Variants in HSD17B4 observed in about 807,000 individuals in gnomAD.
HSD17B4 encodes hydroxysteroid 17-beta dehydrogenase 4, also known as peroxisomal multifunctional enzyme type 2.
Under a neutral mutation model 101.0 loss-of-function variants are expected in HSD17B4, and 70 were observed. The ratio of observed to expected loss-of-function variants is 0.69; its 90% confidence interval spans 0.57 to 0.85. HSD17B4 has a LOEUF of 0.85. HSD17B4 is among the 40% of genes least tolerant of loss of function. HSD17B4 has a pLI of 0.00. For synonymous variants in HSD17B4, 347 were observed against 297.1 expected (o/e 1.17, Z -1.73); for missense variants, 984 against 892.4 (o/e 1.10, Z -1.31).
At chr5:119,535,979 A>G (rs935369122) in intron 22 of HSD17B4, 7 of 207,344 alleles carry the variant, frequency 3.4e-5, no homozygotes, top group African/African-American at 1.2e-4. Context: ...GCTGTGAAGT[A>G]TGACTGAAAT....
At chr5:119,498,180 A>G (rs1750821807) in intron 12 of HSD17B4, among the ~76,000 whole-genome samples, 2 of 152,200 alleles carry the variant, frequency 1.3e-5, no homozygotes, top group South Asian at 2.1e-4. Flanking sequence ...TTTGTAACCT[A>G]TGGTAGGCAT....
intron 12 of HSD17B4, among the ~76,000 whole-genome samples, chr5:119,496,953 G>C (rs1750704734): frequency 2.0e-5 from 3 of 152,162 alleles, no homozygotes; most frequent in African/African-American, 7.2e-5. Context: ...TACTTTATTT[G>C]TCTTTTTAGT....
intron 4 of HSD17B4, 144 bp from the exon 5 acceptor site, chr5:119,475,562 C>G: frequency 3.0e-6 from 2 of 665,358 alleles, no homozygotes; most frequent in South Asian, 3.6e-5. Flanking sequence ...TAGGTATAGA[C>G]TTTTGTTTTG....
chr5:119,517,088 T>C (rs1436276986), intron 17 of HSD17B4, among the ~76,000 whole-genome samples: 1 of 152,146 alleles, frequency 6.6e-6, no homozygotes, highest in East Asian at 1.9e-4. Flanking sequence ...TCCCTCAGCT[T>C]GCAGGGTGGT....
At chr5:119,534,344 A>C (rs930207147) in intron 22 of HSD17B4, among the ~76,000 whole-genome samples, 5 of 151,416 alleles carry the variant, frequency 3.3e-5, no homozygotes, top group East Asian at 1.9e-4. Flanking sequence ...TTAAGTCTGC[A>C]TATCTGGACT....
At chr5:119,479,825 C>T (rs1001656177) in intron 8 of HSD17B4, among the ~76,000 whole-genome samples, 1 of 151,970 alleles carries the variant, frequency 6.6e-6, no homozygotes, top group African/African-American at 2.4e-5. Flanking sequence ...TTTGTGTGGA[C>T]ATAAGTTTTT....
At chr5:119,479,575 T>C (rs1323864349) in intron 8 of HSD17B4, among the ~76,000 whole-genome samples, 3 of 152,214 alleles carry the variant, frequency 2.0e-5, no homozygotes, top group Admixed American at 1.3e-4. Flanking sequence ...TCCACTGTTA[T>C]AATGTCATGC....
chr5:119,489,140 A>G, intron 8 of HSD17B4, 52 bp from the exon 9 acceptor site: 1 of 1,249,216 alleles, frequency 8.0e-7, no homozygotes, highest in Non-Finnish European at 1.2e-6. Context: ...TAAGTAAGAA[A>G]TTCTTAGAAA....
chr5:119,499,704 CTTTTT>C (rs1235274942), intron 13 of HSD17B4, 151 bp downstream of exon 13: 4 of 440,654 alleles, frequency 9.1e-6, no homozygotes, highest in Non-Finnish European at 1.5e-5. Context: ...TTTGATTTTT[CTTTTT>C]AAGAATAAAA....
At chr5:119,476,445 A>G (rs1748591383) in intron 6 of HSD17B4, 3 of 446,130 alleles carry the variant, frequency 6.7e-6, no homozygotes, top group South Asian at 9.4e-5. Context: ...TTCATTGGCC[A>G]TCAGAACTAA....
intron 2 of HSD17B4, chr5:119,472,543 C>G (rs1756479584): frequency 6.6e-6 from 1 of 152,150 alleles, no homozygotes; most frequent in Non-Finnish European, 1.5e-5. Context: ...AAGCGATTCT[C>G]CTGCCTCAGC....
In HSD17B4 at chr5:119,509,013, G is replaced by A. The variant is rs72788187; in HGVS notation, c.1334-128G>A. The A allele has an allele frequency of 6.8e-3, 4,581 of 674,916 alleles. 28 individuals carry two copies. The highest frequency in any genetic ancestry group is 8.6e-3 in the Non-Finnish European group (3,246 of 375,738). 41.8% of individuals were successfully genotyped at this position (674,916 alleles called of 1,614,324 possible). A position where few individuals can be genotyped will look rare whatever the true frequency, so the allele number is the denominator to read the frequency against. The stretch of plus-strand genomic sequence containing the variant: ...AATCCAAACTTGGACACCTTTACAT[G>A]TTAGAACTCTTTCAGTAATTGGATT... On this transcript the variant is annotated intron_variant, in intron 15 of 23. Transcript: ENST00000510025.
At chr5:119,478,740 T>C in intron 7 of HSD17B4, 94 bp from the exon 8 acceptor site, 1 of 971,404 alleles carries the variant, frequency 1.0e-6, no homozygotes, top group Non-Finnish European at 1.6e-6. Flanking sequence ...ACATAGTTGC[T>C]TTTGATAGGT....
chr5:119,478,749 G>C, intron 7 of HSD17B4, 85 bp from the exon 8 acceptor site: 1 of 1,069,202 alleles, frequency 9.4e-7, no homozygotes, highest in Non-Finnish European at 1.4e-6. Context: ...CTTTTGATAG[G>C]TGCAGTAGTA....
At chr5:119,509,569 T>C (rs1013027275) in intron 16 of HSD17B4, 2 of 406,580 alleles carry the variant, frequency 4.9e-6, no homozygotes, top group African/African-American at 4.1e-5. Context: ...TTCTTCTTTT[T>C]CTCAGAGACA....
intron 16 of HSD17B4, chr5:119,509,564 C>T (rs572359204): frequency 2.4e-6 from 1 of 412,098 alleles, no homozygotes; most frequent in Admixed American, 3.2e-5. Flanking sequence ...TCCTCTTCTT[C>T]TTTTTCTCAG....
chr5:119,513,836 A>G (rs1580665383), intron 16 of HSD17B4, among the ~76,000 whole-genome samples: 1 of 152,352 alleles, frequency 6.6e-6, no homozygotes. Flanking sequence ...TAAAACTACC[A>G]TCGCGGCACT....
At chr5:119,503,619 C>CA (rs1365894248) in intron 14 of HSD17B4, among the ~76,000 whole-genome samples, 3 of 152,072 alleles carry the variant, frequency 2.0e-5, no homozygotes, top group Admixed American at 2.0e-4. Flanking sequence ...AGACTGATAA[C>CA]AACATCTCTT....
intron 16 of HSD17B4, among the ~76,000 whole-genome samples, chr5:119,510,859 C>G (rs1752105826): frequency 6.6e-6 from 1 of 152,144 alleles, no homozygotes; most frequent in South Asian, 2.1e-4. Context: ...ATTAACTTTT[C>G]TTATCCTTCC....
Sources: allele counts gnomAD v4.1 joint callset (sites outside exome capture counted in the v4.1 genomes callset), GRCh38; gene constraint gnomAD v4.1.1; transcripts MANE v1.5; gene names NCBI Gene and HGNC (gene_info 2026-07-23, HGNC 2026-07-21).